The following FGF12 variants were observed in gnomAD, a reference collection of about 807,000 sequenced individuals.
The protein encoded by FGF12 is fibroblast growth factor 12, also known as fibroblast growth factor 12B.
In FGF12, 14 loss-of-function variants were observed where a neutral mutation model predicts 23.6. The observed-to-expected ratio is 0.59, with a 90% CI of 0.39 to 0.93. The LOEUF is 0.93. Among genes scored for constraint, FGF12 ranks in the 40% least tolerant of loss-of-function variants. The pLI is 0.00. For synonymous variants in FGF12, 62 were observed against 77.3 expected, an observed-to-expected ratio of 0.80 and a Z score of 1.04; for missense variants, 175 against 217.8, an observed-to-expected ratio of 0.80 and a Z score of 1.24.
At chr3:192,511,993 T>C (rs77566508) in intron 2 of FGF12, among the ~76,000 whole-genome samples, 209 of 152,296 alleles carry the variant, frequency 1.4e-3, no homozygotes, top group South Asian at 0.012. Flanking sequence ...AAAACTTAAA[T>C]AAAATATCAA....
intron 3 of FGF12, among the ~76,000 whole-genome samples, chr3:192,356,582 G>A (rs1021588877): frequency 3.3e-5 from 5 of 152,054 alleles, no homozygotes; most frequent in African/African-American, 1.2e-4. Context: ...TGTTCCTGCC[G>A]ACAAATCCAT....
intron 5 of FGF12, among the ~76,000 whole-genome samples, chr3:192,144,771 T>C (rs1713601702): frequency 6.6e-6 from 1 of 152,228 alleles, no homozygotes; most frequent in African/African-American, 2.4e-5. Context: ...TTTTCTCCTC[T>C]ATTGTATTGT....
intron 2 of FGF12, among the ~76,000 whole-genome samples, chr3:192,465,362 T>TATGG (rs1185167578): frequency 1.3e-5 from 2 of 150,158 alleles, no homozygotes; most frequent in African/African-American, 4.8e-5. Flanking sequence ...AGAATTAACA[T>TATGG]ATGGATATAA....
intron 2 of FGF12, among the ~76,000 whole-genome samples, chr3:192,564,375 G>A (rs977074517): frequency 6.6e-6 from 1 of 152,058 alleles, no homozygotes; most frequent in Non-Finnish European, 1.5e-5. Flanking sequence ...ACCATGTGTA[G>A]TCTTATTGGA....
intron 2 of FGF12, among the ~76,000 whole-genome samples, chr3:192,671,442 T>G (rs1717113007): frequency 6.6e-6 from 1 of 152,182 alleles, no homozygotes; most frequent in African/African-American, 2.4e-5. Flanking sequence ...TCAGCGGAAA[T>G]TCCATGTATT....
chr3:192,528,482 C>G (rs1289444890), intron 2 of FGF12, among the ~76,000 whole-genome samples: 1 of 152,110 alleles, frequency 6.6e-6, no homozygotes, highest in Non-Finnish European at 1.5e-5. Context: ...GTGTCTGCAG[C>G]TTTTCTAGGT....
At chr3:192,525,164 A>T (rs1321477847) in intron 2 of FGF12, among the ~76,000 whole-genome samples, 1 of 152,146 alleles carries the variant, frequency 6.6e-6, no homozygotes, top group African/African-American at 2.4e-5. Flanking sequence ...CTTCTTACAC[A>T]TTAAAATTCC....
chr3:192,409,113 C>T lies in FGF12; in HGVS notation c.14-48575G>A, dbSNP rs1170076976. On this transcript the variant is annotated intron_variant, in intron 2 of 5. Transcript: ENST00000445105. The surrounding 1 kb of genome is among the most constrained non-coding windows in gnomAD (Gnocchi z 4.8). ...AGGGAGGGAGGGAGATCCTCGAGGG[C>T]CAAGCACCCCTCGGGGAGAAACCAG... 2.6e-6 allele frequency: 1 copy of T among 390,820 alleles called. No homozygotes were observed. Among genetic ancestry groups the T allele is most frequent in the Non-Finnish European group, 3.5e-6 (1 of 286,422 alleles). 24.2% of individuals were successfully genotyped at this position (390,820 alleles called of 1,614,324 possible).
chr3:192,327,518 G>C (rs985002771), intron 4 of FGF12, among the ~76,000 whole-genome samples: 3 of 151,184 alleles, frequency 2.0e-5, no homozygotes, highest in African/African-American at 7.3e-5. Context: ...ACAATAAATA[G>C]TCTAAGTTTA....
chr3:192,335,254 A>G (rs1717337367), intron 4 of FGF12, 107 bp downstream of exon 4: 1 of 729,936 alleles, frequency 1.4e-6, no homozygotes, highest in East Asian at 2.6e-5. Context: ...CACAAAATAT[A>G]AAATGACTTC....
At chr3:192,225,436 A>G (rs1188854756) in intron 4 of FGF12, among the ~76,000 whole-genome samples, 1 of 152,124 alleles carries the variant, frequency 6.6e-6, no homozygotes, top group Admixed American at 6.6e-5. Flanking sequence ...TTCTTAATGC[A>G]TAATTATAAT....
In FGF12 at chr3:192,139,855, C is replaced by A. The variant is rs890348143; in HGVS notation, c.*4154G>T. The A allele has an allele frequency of 6.6e-6, 1 of 152,020 alleles. No individual in the cohort carries two copies. Among genetic ancestry groups the A allele is most frequent in the Non-Finnish European group, 1.5e-5 (1 of 67,930 alleles). The allele number at this position is 152,020 out of a possible 1,614,324, so 9.4% of individuals were successfully genotyped here. A position where few individuals can be genotyped will look rare whatever the true frequency, so the allele number is the denominator to read the frequency against. ...CTGAAAAAGAAAGATCAGCATCTAG[C>A]ATCCTTTTCCTATTCTTTCACCACA... is the stretch of plus-strand genomic sequence containing the variant. On this transcript the variant is annotated 3_prime_UTR_variant, in exon 6 of 6. Coordinates refer to ENST00000445105, the MANE Select transcript of FGF12 (RefSeq NM_004113.6).
chr3:192,377,328 C>T (rs1324841002), intron 2 of FGF12, among the ~76,000 whole-genome samples: 4 of 152,202 alleles, frequency 2.6e-5, no homozygotes, highest in Non-Finnish European at 5.9e-5. Flanking sequence ...TAATCGCCAC[C>T]TGAAGTACAG....
intron 2 of FGF12, among the ~76,000 whole-genome samples, chr3:192,571,085 GA>G (rs377476462): frequency 3.3e-5 from 5 of 152,124 alleles, no homozygotes; most frequent in Admixed American, 6.5e-5. Context: ...GTGTTGGGGG[GA>G]AAAAACAAAC....
At chr3:192,616,245 T>C (rs937644622) in intron 2 of FGF12, among the ~76,000 whole-genome samples, 1 of 152,048 alleles carries the variant, frequency 6.6e-6, no homozygotes, top group Admixed American at 6.6e-5. Flanking sequence ...AAATCACTTA[T>C]GGTTTATTTA....
intron 4 of FGF12, among the ~76,000 whole-genome samples, chr3:192,322,169 T>C (rs1287172846): frequency 2.0e-5 from 3 of 152,062 alleles, no homozygotes; most frequent in Non-Finnish European, 2.9e-5. Context: ...GCATTCTATA[T>C]GCCAACAGTG....
intron 4 of FGF12, among the ~76,000 whole-genome samples, chr3:192,288,414 T>A (rs918851109): frequency 2.0e-5 from 3 of 152,136 alleles, no homozygotes; most frequent in Non-Finnish European, 4.4e-5. Flanking sequence ...GAAGGATTCA[T>A]GAATCTTCCT....
intron 2 of FGF12, among the ~76,000 whole-genome samples, chr3:192,401,267 T>C (rs1720749061): frequency 6.6e-6 from 1 of 152,348 alleles, no homozygotes; most frequent in Admixed American, 6.5e-5. Flanking sequence ...TGATATCTTA[T>C]TGTGGATGAA....
intron 2 of FGF12, among the ~76,000 whole-genome samples, chr3:192,505,610 C>T (rs1231809576): frequency 6.6e-6 from 1 of 152,054 alleles, no homozygotes; most frequent in Non-Finnish European, 1.5e-5. Context: ...CAGAAAACTG[C>T]ATAATCTGAA....
Sources: allele counts gnomAD v4.1 joint callset (sites outside exome capture counted in the v4.1 genomes callset), GRCh38; gene constraint gnomAD v4.1.1; non-coding constraint Gnocchi (gnomAD v3.1); transcripts MANE v1.5; gene names NCBI Gene and HGNC (gene_info 2026-07-23, HGNC 2026-07-21).